The following NRXN3 variants were observed in gnomAD, a reference collection of about 807,000 sequenced individuals.
The protein encoded by NRXN3 is neurexin III.
NRXN3 carries 32 observed loss-of-function variants against 137.6 expected under a neutral mutation model. That is an observed-to-expected ratio of 0.23 (90% confidence interval 0.18 to 0.31). NRXN3 has a LOEUF of 0.31. Ranked by LOEUF, NRXN3 falls within the 10% of genes least tolerant of loss-of-function variation. The pLI is 1.00. For synonymous variants in NRXN3, 798 were observed against 784.5 expected, an observed-to-expected ratio of 1.02 and a Z score of -0.29; for missense variants, 1,574 against 2,062.5, an observed-to-expected ratio of 0.76 and a Z score of 4.59.
intron 16 of NRXN3, among the ~76,000 whole-genome samples, chr14:79,568,646 A>T (rs2097571108): frequency 1.3e-5 from 2 of 152,310 alleles, no homozygotes; most frequent in East Asian, 3.9e-4. Context: ...GCTTTTATTA[A>T]TGGACCAAAG....
intron 19 of NRXN3, among the ~76,000 whole-genome samples, chr14:79,752,656 G>C (rs886384682): frequency 5.3e-5 from 8 of 150,698 alleles, no homozygotes; most frequent in Admixed American, 2.0e-4. Flanking sequence ...ACATAGGCAT[G>C]GGCAAGGACT....
chr14:79,613,691 A>G (rs1359485756), intron 16 of NRXN3, among the ~76,000 whole-genome samples: 3 of 152,218 alleles, frequency 2.0e-5, no homozygotes, highest in African/African-American at 7.2e-5. Context: ...GCACACACAT[A>G]CTTACTTATT....
Position 79,146,663 on chromosome 14 carries a change from C to T in NRXN3, c.3262+158522C>T, listed in dbSNP as rs191963896. ...TCCTACATAGACAGCAAAACCACTG[C>T]CCAGGTAAACCAAGGCCGCAGTCTA... On this transcript the variant is annotated intron_variant, in intron 15 of 20. Transcript: ENST00000335750. 5.9e-5 allele frequency among the ~76,000 whole-genome samples: 9 copies of T among 152,184 alleles called. No individual in the cohort carries two copies. In the East Asian group the frequency reaches 1.6e-3, roughly 26 times the overall value.
chr14:78,282,118 A>C (rs1335452747), intron 3 of NRXN3: 1 of 501,210 alleles, frequency 2.0e-6, no homozygotes, highest in Middle Eastern at 3.2e-4. Flanking sequence ...AGGCCATGTT[A>C]CCCATTTGTG....
chr14:79,330,705 A>T (rs1477317026), intron 15 of NRXN3, among the ~76,000 whole-genome samples: 1 of 152,178 alleles, frequency 6.6e-6, no homozygotes, highest in South Asian at 2.1e-4. Flanking sequence ...GAAAGCATAG[A>T]GAAGAGAAAG....
chr14:79,733,672 TTG>T (rs1001770805), intron 19 of NRXN3, among the ~76,000 whole-genome samples: 10 of 95,924 alleles, frequency 1.0e-4, no homozygotes, highest in East Asian at 2.2e-4. Flanking sequence ...TTTGCTGTTG[TTG>T]TTTTTTTTTT....
intron 20 of NRXN3, among the ~76,000 whole-genome samples, chr14:79,846,777 G>C (rs1343109194): frequency 6.6e-6 from 1 of 152,078 alleles, no homozygotes; most frequent in Non-Finnish European, 1.5e-5. Flanking sequence ...CTTTAGGAAA[G>C]GGATAGTGTC....
intron 5 of NRXN3, among the ~76,000 whole-genome samples, chr14:78,648,897 G>A (rs77294165): frequency 0.019 from 2,839 of 152,188 alleles, 86 homozygotes; most frequent in African/African-American, 0.055. Flanking sequence ...GGGAGTGGGC[G>A]GTGTCCATTC....
intron 15 of NRXN3, among the ~76,000 whole-genome samples, chr14:79,442,492 C>G (rs2095981321): frequency 6.6e-6 from 1 of 152,090 alleles, no homozygotes; most frequent in Admixed American, 6.5e-5. Context: ...CTATAGAAAA[C>G]AAAAACAAAA....
At chr14:78,480,179 A>T (rs2095448992) in intron 4 of NRXN3, among the ~76,000 whole-genome samples, 1 of 152,160 alleles carries the variant, frequency 6.6e-6, no homozygotes, top group Non-Finnish European at 1.5e-5. Flanking sequence ...AAATTTGGAG[A>T]AATAAGCTTC....
chr14:79,687,206 T>G (rs2098698900), intron 17 of NRXN3, among the ~76,000 whole-genome samples: 1 of 152,208 alleles, frequency 6.6e-6, no homozygotes, highest in South Asian at 2.1e-4. Flanking sequence ...TACAAGATAT[T>G]AGTTTTTTGC....
chr14:79,287,461 A>C (rs1027324856), intron 15 of NRXN3, among the ~76,000 whole-genome samples: 1 of 152,222 alleles, frequency 6.6e-6, no homozygotes, highest in South Asian at 2.1e-4. Context: ...GAATTCAAAC[A>C]TTCCTACATG....
chr14:78,179,449 C>T (rs28622289), intron 1 of NRXN3, among the ~76,000 whole-genome samples: 11,471 of 152,154 alleles, frequency 0.075, 1,378 homozygotes, highest in African/African-American at 0.25. Context: ...AATTAAACAT[C>T]GATTTCTGGG....
chr14:79,511,252 TC>T (rs917519238), intron 16 of NRXN3, among the ~76,000 whole-genome samples: 15 of 152,156 alleles, frequency 9.9e-5, no homozygotes, highest in African/African-American at 3.6e-4. Flanking sequence ...AAGCTTTAGC[TC>T]CCCAGCACGT....
Position 79,546,001 on chromosome 14 carries a change from G to T in NRXN3, c.3444+78599G>T, listed in dbSNP as rs184363692. On this transcript the variant is annotated intron_variant, in intron 16 of 20. Transcript: ENST00000335750. ...CCTGATAGTGAGTAAGTCTCATGAG[G>T]TCTGATGGTTATTATAAGGGGGAGC... 7.7e-4 allele frequency among the ~76,000 whole-genome samples: 117 copies of T among 152,226 alleles called. No individual in the cohort carries two copies. The Middle Eastern group carries it at 0.02, about 27-fold the overall frequency.
At chr14:78,188,606 C>T (rs116209519) in intron 1 of NRXN3, among the ~76,000 whole-genome samples, 149 of 152,250 alleles carry the variant, frequency 9.8e-4, no homozygotes, top group African/African-American at 3.3e-3. Flanking sequence ...AAGGTATGGG[C>T]TGCTATGTTC....
intron 16 of NRXN3, among the ~76,000 whole-genome samples, chr14:79,562,206 C>T (rs1454082485): frequency 1.3e-5 from 2 of 152,112 alleles, no homozygotes; most frequent in African/African-American, 2.4e-5. Context: ...CAGAGTTGGA[C>T]ATAAAACCCA....
At chr14:78,957,836 TTTAA>T (rs2099399796) in intron 11 of NRXN3, among the ~76,000 whole-genome samples, 1 of 152,180 alleles carries the variant, frequency 6.6e-6, no homozygotes, top group South Asian at 2.1e-4. Flanking sequence ...TAAGGTTTGG[TTTAA>T]TTAATTACTT....
chr14:79,398,394 A>C (rs139324454), intron 15 of NRXN3, among the ~76,000 whole-genome samples: 1 of 152,322 alleles, frequency 6.6e-6, no homozygotes, highest in East Asian at 1.9e-4. Flanking sequence ...AAATTGTTTC[A>C]AAAATGAAAC....
Sources: allele counts gnomAD v4.1 joint callset (sites outside exome capture counted in the v4.1 genomes callset), GRCh38; gene constraint gnomAD v4.1.1; transcripts MANE v1.5; gene names NCBI Gene and HGNC (gene_info 2026-07-23, HGNC 2026-07-21).